Variants in ABCA13 observed in about 807,000 individuals in gnomAD.
ABCA13 encodes the protein ATP binding cassette subfamily A member 13.
A neutral mutation model predicts 478.7 loss-of-function variants in ABCA13; 476 were observed. The observed-to-expected ratio is 0.99, with a 90% CI of 0.92 to 1.07. The LOEUF is 1.07. Ranked by LOEUF, ABCA13 falls within the 50% of genes least tolerant of loss-of-function variation. ABCA13 has a pLI of 0.00. For synonymous variants in ABCA13, 2,252 were observed against 2,158.9 expected, an observed-to-expected ratio of 1.04 and a Z score of -1.20; for missense variants, 6,060 against 5,910.6, an observed-to-expected ratio of 1.03 and a Z score of -0.83.
At position 48,234,094 on chromosome 7, in the gene ABCA13, T is replaced by C; in HGVS notation, c.840T>C (p.Phe280=). The C allele has an allele frequency of 6.2e-7, 1 of 1,614,034 alleles. No individual in the cohort carries two copies. Residue 280 remains phenylalanine (F), a synonymous_variant, in exon 8 of 62, where the codon TTT becomes TTC. Coordinates refer to ENST00000435803, the MANE Select transcript of ABCA13 (RefSeq NM_152701.5). ...TCCAGTATGATCTCAAATCCCAGTT[T>C]GGCTTTGATGATCTTCACACGGAAC... ...QKVQYDLKSQ[F]GFDDLHTEQI... is the part of the protein sequence containing the mutation.
chr7:48,613,842 TATA>T (rs1211843115), intron 58 of ABCA13, among the ~76,000 whole-genome samples: 2 of 148,268 alleles, frequency 1.3e-5, no homozygotes, highest in Non-Finnish European at 3.0e-5. Context: ...ATATCTGTAT[TATA>T]ATATATTTTC....
At chr7:48,265,097 A>C (rs1270587966) in intron 15 of ABCA13, among the ~76,000 whole-genome samples, 3 of 151,688 alleles carry the variant, frequency 2.0e-5, no homozygotes, top group South Asian at 2.1e-4. Context: ...TAGTTGTATA[A>C]ATAAGTGGGT....
chr7:48,225,318 T>G (rs1788055053), intron 5 of ABCA13, among the ~76,000 whole-genome samples: 1 of 145,242 alleles, frequency 6.9e-6, no homozygotes, highest in South Asian at 2.4e-4. Flanking sequence ...TTTCCCTAAA[T>G]TTTTTCAATC....
intron 59 of ABCA13, among the ~76,000 whole-genome samples, chr7:48,625,373 C>A (rs1586024999): frequency 6.6e-6 from 1 of 152,122 alleles, no homozygotes; most frequent in East Asian, 1.9e-4. Flanking sequence ...CACATGAGCA[C>A]AAAAATAATT....
At chr7:48,478,009 G>A (rs1828326878) in intron 45 of ABCA13, among the ~76,000 whole-genome samples, 1 of 151,726 alleles carries the variant, frequency 6.6e-6, no homozygotes, top group Non-Finnish European at 1.5e-5. Context: ...TTAGAAGGAT[G>A]TATCTTGATA....
At chr7:48,627,661 T>TA (rs1204075305) in intron 59 of ABCA13, among the ~76,000 whole-genome samples, 1 of 152,202 alleles carries the variant, frequency 6.6e-6, no homozygotes, top group Non-Finnish European at 1.5e-5. Context: ...CATTTGCTGT[T>TA]ACTATAACAG....
At chr7:48,334,636 C>G (rs940262171) in intron 27 of ABCA13, among the ~76,000 whole-genome samples, 4 of 152,170 alleles carry the variant, frequency 2.6e-5, no homozygotes, top group African/African-American at 9.6e-5. Flanking sequence ...CGCCCGGCCT[C>G]TATCCCTATT....
At chr7:48,589,381 C>T (rs377253470) in intron 57 of ABCA13, among the ~76,000 whole-genome samples, 2 of 152,082 alleles carry the variant, frequency 1.3e-5, no homozygotes, top group South Asian at 4.1e-4. Context: ...ACCAACCTGA[C>T]ATGAAAATAT....
At chr7:48,199,559 A>G (rs1562760172) in intron 3 of ABCA13, among the ~76,000 whole-genome samples, 1 of 152,160 alleles carries the variant, frequency 6.6e-6, no homozygotes, top group Non-Finnish European at 1.5e-5. Context: ...CAACGTAAAA[A>G]TTTGGGGATG....
chr7:48,298,216 G>A, intron 22 of ABCA13, 150 bp from the exon 23 acceptor site: 1 of 673,314 alleles, frequency 1.5e-6, no homozygotes, highest in Non-Finnish European at 2.3e-6. Context: ...TATTCCCAGG[G>A]GAGTAAGGTA....
intron 45 of ABCA13, among the ~76,000 whole-genome samples, chr7:48,477,594 C>A (rs912147093): frequency 2.6e-5 from 4 of 151,980 alleles, no homozygotes; most frequent in Admixed American, 1.3e-4. Flanking sequence ...TTTGTAGGGA[C>A]ATGGATGAAA....
chr7:48,275,444 G>T lies in ABCA13; in HGVS notation c.5778G>T (p.Pro1926=), dbSNP rs192083637. 2 of 1,613,728 alleles carry T rather than the reference G, an allele frequency of 1.2e-6. No homozygotes were observed. Among genetic ancestry groups the T allele is most frequent in the East Asian group, 4.5e-5 (2 of 44,878 alleles). ...AGAAATTTTGGCATAAGATATTACC[G>T]TTTGTCCCACCTTCAATAAATCAAA... ...TVQKFWHKIL[P]FVPPSINQTR... is the part of the protein sequence containing the mutation. Residue 1926 remains proline (P), a synonymous_variant, in exon 17 of 62, where the codon CCG becomes CCT. Transcript: ENST00000435803.
Position 48,395,732 on chromosome 7 carries a change from AT to A in ABCA13, c.11873+3600del, listed in dbSNP as rs1816753198. Among the ~76,000 whole-genome samples the A allele has an allele frequency of 1.3e-5, 2 of 152,054 alleles. 1 individual carries two copies. Among genetic ancestry groups the A allele is most frequent in the Admixed American group, 1.3e-4 (2 of 15,272 alleles). ...TCTTCTTTAAGCTTTTTTAAATAAC[AT>A]TTTTTTCCTCTAGCTTGCCTCATTG... On this transcript the variant is annotated intron_variant, in intron 38 of 61. Transcript: ENST00000435803.
chr7:48,228,706 A>G (rs1284920325), intron 6 of ABCA13, among the ~76,000 whole-genome samples: 2 of 152,210 alleles, frequency 1.3e-5, no homozygotes, highest in South Asian at 2.1e-4. Flanking sequence ...CCAAGTTGTT[A>G]TGAAGATCTA....
At chr7:48,198,011 A>T in intron 2 of ABCA13, among the ~76,000 whole-genome samples, 1 of 152,178 alleles carries the variant, frequency 6.6e-6, no homozygotes, top group East Asian at 1.9e-4. Flanking sequence ...GCTCAGAGCC[A>T]TTCTGCCTTG....
chr7:48,374,493 C>T, intron 34 of ABCA13, 77 bp downstream of exon 34: 2 of 1,322,232 alleles, frequency 1.5e-6, no homozygotes, highest in Admixed American at 4.2e-5. Flanking sequence ...TGCAAGTGAT[C>T]CAGTAGGAAG....
chr7:48,561,831 GT>G (rs35247995), intron 55 of ABCA13, among the ~76,000 whole-genome samples: 1 of 150,564 alleles, frequency 6.6e-6, no homozygotes, highest in Non-Finnish European at 1.5e-5. Context: ...TTTCTCCTAT[GT>G]TTTTTTTTCC....
intron 27 of ABCA13, among the ~76,000 whole-genome samples, chr7:48,327,308 G>A (rs753121554): frequency 2.2e-4 from 33 of 152,250 alleles, no homozygotes; most frequent in African/African-American, 4.3e-4. Context: ...ATCAGATTTC[G>A]TAAGAACTTA....
chr7:48,198,324 A>G lies in ABCA13; in HGVS notation c.251A>G (p.Asn84Ser). ...TGTAACACTGGATCAAGGTGTAGGAACTTCAGCTATGAAGGGTCAATGGAG... is the reference window on the plus strand; with the variant it reads ...TGTAACACTGGATCAAGGTGTAGGAGCTTCAGCTATGAAGGGTCAATGGAG... The part of the protein sequence containing the change: ...LLCNTGSRCR[N>S]FSYEGSMEHH... Residue 84 changes from asparagine (N) to serine (S), a missense_variant, in exon 3 of 62, where the codon AAC becomes AGC. This residue lies in a region of ABCA13 where 4,423 missense variants were observed against 4,309.1 expected (regional missense o/e 1.03). Transcript: ENST00000435803. 6.2e-7 allele frequency: 1 copy of G among 1,613,864 alleles called. No individual in the cohort carries two copies. Among genetic ancestry groups the G allele is most frequent in the South Asian group, 1.1e-5 (1 of 91,038 alleles).
Sources: gnomAD v4.1 joint callset for allele counts (sites outside exome capture counted in the v4.1 genomes callset) on GRCh38, gnomAD v4.1.1 for gene constraint, gnomAD v4.1.1 regional missense constraint, MANE v1.5 for transcripts, NCBI Gene and HGNC (gene_info 2026-07-23, HGNC 2026-07-21) for gene names.